WDCP: variants seen among roughly 807,000 people sequenced by gnomAD.
WDCP encodes WD repeat and coiled-coil-containing protein.
WDCP carries 19 observed loss-of-function variants against 41.6 expected under a neutral mutation model. The ratio of observed to expected loss-of-function variants is 0.46; its 90% CI spans 0.32 to 0.67. The LOEUF (loss-of-function observed/expected upper bound fraction) is 0.67, where lower values mean the gene tolerates loss of function less well. Among genes scored for constraint, WDCP ranks in the 30% least tolerant of loss-of-function variants. WDCP has a pLI of 0.04. For synonymous variants in WDCP, 302 were observed against 320.8 expected, an observed-to-expected ratio of 0.94 and a Z score of 0.63; for missense variants, 802 against 850.7, an observed-to-expected ratio of 0.94 and a Z score of 0.71.
intron 3 of WDCP, among the ~76,000 whole-genome samples, chr2:24,032,040 C>A (rs923103924): frequency 1.1e-4 from 17 of 152,270 alleles, no homozygotes; most frequent in African/African-American, 3.9e-4. Flanking sequence ...TATGTTTTGG[C>A]ACCTATACTA....
At chr2:24,040,875 G>C (rs1663407130) in intron 1 of WDCP, among the ~76,000 whole-genome samples, 1 of 152,094 alleles carries the variant, frequency 6.6e-6, no homozygotes, top group Admixed American at 6.6e-5. Flanking sequence ...AATTAGCCAA[G>C]TGTGGTGGTG....
intron 2 of WDCP, 129 bp from the exon 3 acceptor site, chr2:24,033,075 GT>G: frequency 1.4e-6 from 1 of 711,472 alleles, no homozygotes. Flanking sequence ...CTGGACTTCA[GT>G]TTTAAGGAGC....
At chr2:24,032,282 CGAG>C (rs1210988167) in intron 3 of WDCP, among the ~76,000 whole-genome samples, 5 of 152,100 alleles carry the variant, frequency 3.3e-5, no homozygotes. Flanking sequence ...TTTGGGAGGC[CGAG>C]GCAGGCGGAT....
chr2:24,029,611 T>G lies in WDCP; in HGVS notation c.*1322A>C, dbSNP rs1384221886. 1 of 152,236 alleles carries G rather than the reference T, an allele frequency of 6.6e-6. No homozygotes were observed. The highest frequency in any genetic ancestry group is 2.1e-4 in the South Asian group (1 of 4,824). The allele number at this position is 152,236 out of a possible 1,614,324, so 9.4% of individuals were successfully genotyped here. A position where few individuals can be genotyped will look rare whatever the true frequency, so the allele number is the denominator to read the frequency against. ...CTACCCCAGCAGCTGTCTAGTGCACTTGAACCACAAAATGGGCCCTCACTT... is the reference window on the plus strand; with the variant it reads ...CTACCCCAGCAGCTGTCTAGTGCACGTGAACCACAAAATGGGCCCTCACTT... On this transcript the variant is annotated 3_prime_UTR_variant, in exon 4 of 4. Coordinates refer to ENST00000295148, the MANE Select transcript of WDCP (RefSeq NM_025203.3).
chr2:24,035,150 G>A (rs1261578222), intron 2 of WDCP, among the ~76,000 whole-genome samples: 1 of 151,304 alleles, frequency 6.6e-6, no homozygotes, highest in Non-Finnish European at 1.5e-5. Flanking sequence ...TTCTGTAATG[G>A]TAAAATTTTT....
At position 24,038,503 on chromosome 2, in the gene WDCP, G is replaced by C; in HGVS notation, c.992C>G (p.Thr331Arg). 1.2e-6 allele frequency: 2 copies of C among 1,614,202 alleles called. No homozygotes were observed. The highest frequency in any genetic ancestry group is 1.7e-6 in the Non-Finnish European group (2 of 1,180,036). Reference sequence around the variant, plus strand: ...AATGCCTGGAATAGTGACTTTTCTCGTCATGGTAACTGCCTTCTTAAAGGT... The same window carrying C: ...AATGCCTGGAATAGTGACTTTTCTCCTCATGGTAACTGCCTTCTTAAAGGT... ...LVTFKKAVTM[T>R]RKVTIPGILV... Residue 331 changes from threonine to arginine, a missense_variant, in exon 2 of 4, where the codon ACG (threonine) becomes AGG (arginine). By Grantham distance (71) the Thr-to-Arg change is moderately conservative. Coordinates refer to ENST00000295148, the MANE Select transcript of WDCP (RefSeq NM_025203.3).
intron 2 of WDCP, among the ~76,000 whole-genome samples, chr2:24,036,384 G>C (rs1292549275): frequency 6.6e-6 from 1 of 152,020 alleles, no homozygotes; most frequent in Admixed American, 6.6e-5. Flanking sequence ...GCATGTGCTT[G>C]TAGTCTCAGC....
chr2:24,030,495 A>G lies in WDCP; in HGVS notation c.*438T>C, dbSNP rs1481554962. The G allele has an allele frequency of 6.4e-6, 1 of 155,730 alleles. No homozygotes were observed. Among genetic ancestry groups the G allele is most frequent in the African/African-American group, 2.4e-5 (1 of 41,468 alleles). The allele number at this position is 155,730 out of a possible 1,614,324, so 9.6% of individuals were successfully genotyped here. On this transcript the variant is annotated 3_prime_UTR_variant, in exon 4 of 4. Coordinates refer to ENST00000295148, the MANE Select transcript of WDCP (RefSeq NM_025203.3). ...TGGTTTGAGGTTAATATGCTAGAGC[A>G]CATGCCCCCCAGCAGACTCCTCAAC...
At chr2:24,035,077 T>C (rs1663203403) in intron 2 of WDCP, among the ~76,000 whole-genome samples, 1 of 151,762 alleles carries the variant, frequency 6.6e-6, no homozygotes, top group African/African-American at 2.4e-5. Context: ...ATCTAACATC[T>C]AATAAAATAT....
At chr2:24,046,792 A>G (rs1663640281) in intron 1 of WDCP, among the ~76,000 whole-genome samples, 1 of 152,198 alleles carries the variant, frequency 6.6e-6, no homozygotes, top group Non-Finnish European at 1.5e-5. Context: ...TAATCCCTCT[A>G]GACTCTTCTA....
Position 24,030,857 on chromosome 2 carries a change from C to T in WDCP, c.*76G>A, listed in dbSNP as rs1180463139. On this transcript the variant is annotated 3_prime_UTR_variant, in exon 4 of 4. Transcript: ENST00000295148. ...CTGAGTGCAGTGGGAGTCTCATTGG[C>T]GAGTGTCCAGTGTCAAGCAGGCCTT... The T allele has an allele frequency of 2.6e-6, 3 of 1,138,236 alleles. No homozygotes were observed. The highest frequency in any genetic ancestry group is 2.4e-5 in the East Asian group (1 of 42,118). 70.5% of individuals were successfully genotyped at this position (1,138,236 alleles called of 1,614,324 possible).
In WDCP at chr2:24,039,234, C is replaced by T; in HGVS notation, c.261G>A (p.Val87=). The change falls in exon 2 of 4, where the codon GTG becomes GTA. Residue 87 remains valine, a synonymous_variant. Transcript: ENST00000295148. ...LAVQHEKHVT[V]WQLCPSPMES... is the part of the protein sequence containing the mutation. ...CCATAGGGCTGGGACACAGCTGCCACACAGTGACATGCTTCTCATGCTGGA... is the reference window on the plus strand; with the variant it reads ...CCATAGGGCTGGGACACAGCTGCCATACAGTGACATGCTTCTCATGCTGGA... The T allele has an allele frequency of 6.2e-7, 1 of 1,614,262 alleles. No homozygotes were observed. Among genetic ancestry groups the T allele is most frequent in the Non-Finnish European group, 8.5e-7 (1 of 1,180,044 alleles).
At chr2:24,039,623 A>T (rs141060105) in intron 1 of WDCP, 111 bp from the exon 2 acceptor site, 2 of 883,564 alleles carry the variant, frequency 2.3e-6, no homozygotes, top group East Asian at 5.2e-5. Flanking sequence ...TAATGTGGAG[A>T]GACAAAAGGA....
At position 24,030,829 on chromosome 2, in the gene WDCP, C is replaced by A. The variant is rs937773209; in HGVS notation, c.*104G>T. ...GGAGAGCCGACCATGGCAAGCGCTT[C>A]GCCTGAGTGCAGTGGGAGTCTCATT... On this transcript the variant is annotated 3_prime_UTR_variant, in exon 4 of 4. Coordinates refer to ENST00000295148, the MANE Select transcript of WDCP (RefSeq NM_025203.3). 2 of 877,408 alleles carry A rather than the reference C, an allele frequency of 2.3e-6. No individual in the cohort carries two copies. The highest frequency in any genetic ancestry group is 3.6e-6 in the Non-Finnish European group (2 of 562,294). 54.4% of individuals were successfully genotyped at this position (877,408 alleles called of 1,614,324 possible).
chr2:24,043,613 T>C (rs1212765083), intron 1 of WDCP, among the ~76,000 whole-genome samples: 1 of 152,246 alleles, frequency 6.6e-6, no homozygotes, highest in Non-Finnish European at 1.5e-5. Context: ...TTTTCACCAC[T>C]CACTCTCTTC....
At chr2:24,039,900 C>T (rs763256746) in intron 1 of WDCP, among the ~76,000 whole-genome samples, 3 of 151,962 alleles carry the variant, frequency 2.0e-5, no homozygotes, top group Admixed American at 6.6e-5. Flanking sequence ...TGGGTTCAAG[C>T]GATTCTTCTG....
chr2:24,034,574 CTTTTTTT>C (rs70944707), intron 2 of WDCP, among the ~76,000 whole-genome samples: 2 of 138,066 alleles, frequency 1.4e-5, no homozygotes, highest in African/African-American at 5.3e-5. Context: ...GGCAACAAAA[CTTTTTTT>C]TTTTTTTTTT....
chr2:24,036,639 C>G (rs543476266), intron 2 of WDCP, among the ~76,000 whole-genome samples: 1 of 152,302 alleles, frequency 6.6e-6, no homozygotes, highest in African/African-American at 2.4e-5. Flanking sequence ...AAGAGTACTA[C>G]TGCAGCATCA....
chr2:24,035,085 T>C (rs1296279561), intron 2 of WDCP, among the ~76,000 whole-genome samples: 2 of 151,770 alleles, frequency 1.3e-5, no homozygotes, highest in African/African-American at 4.8e-5. Flanking sequence ...TCTAATAAAA[T>C]ATTTAGCTAT....
Sources: allele counts gnomAD v4.1 joint callset (sites outside exome capture counted in the v4.1 genomes callset), GRCh38; gene constraint gnomAD v4.1.1; transcripts MANE v1.5; gene names NCBI Gene and HGNC (gene_info 2026-07-23, HGNC 2026-07-21).